JADE3: variants seen among roughly 807,000 people sequenced by gnomAD.
JADE3 encodes protein Jade-3.
Under a neutral mutation model 50.1 loss-of-function variants are expected in JADE3, and 2 were observed. The ratio of observed to expected loss-of-function variants is 0.04; its 90% confidence interval spans 0.02 to 0.13. The LOEUF is 0.13. Ranked by LOEUF, JADE3 falls within the 10% of genes least tolerant of loss-of-function variation. JADE3 has a pLI of 1.00. For missense variants in JADE3, 475 were observed against 634.4 expected (o/e 0.75, Z 2.70); for synonymous variants, 218 against 232.9 (o/e 0.94, Z 0.58).
chrX:46,939,106 C>T (rs1364641874), intron 1 of JADE3, among the ~76,000 whole-genome samples: 2 of 112,092 alleles, frequency 1.8e-5, no homozygotes, highest in East Asian at 5.6e-4. Flanking sequence ...GGGTTACAGG[C>T]GTGAGCCACC....
chrX:46,917,861 CT>C (rs782388311), intron 1 of JADE3, among the ~76,000 whole-genome samples: 16 of 56,390 alleles, frequency 2.8e-4, no homozygotes, highest in Non-Finnish European at 3.7e-4. Flanking sequence ...CTCTCATCCT[CT>C]CTCTCTCTCT....
chrX:46,970,090 A>T lies in JADE3; in HGVS notation c.-11-14794A>T, dbSNP rs782072485. 2.7e-5 allele frequency among the ~76,000 whole-genome samples: 3 copies of T among 112,616 alleles called. No homozygotes were observed. In the South Asian group the frequency reaches 1.1e-3, roughly 42 times the overall value. ...TGGTTCTTCCAAAAGAGAGATTCTG[A>T]CTTAATTGGTAATGGGTGCAATTTG... On this transcript the variant is annotated intron_variant, in intron 1 of 10. Transcript: ENST00000614628.
At chrX:47,052,433 A>T (rs1394232273) in intron 8 of JADE3, among the ~76,000 whole-genome samples, 1 of 107,919 alleles carries the variant, frequency 9.3e-6, no homozygotes, top group Non-Finnish European at 1.9e-5. Flanking sequence ...AGCATTCGAG[A>T]CCAGGCTGGC....
intron 4 of JADE3, among the ~76,000 whole-genome samples, chrX:47,008,725 G>T: frequency 9.0e-6 from 1 of 111,016 alleles, no homozygotes; most frequent in South Asian, 3.8e-4. Flanking sequence ...AGGACTATCT[G>T]TAATCTTTAG....
At chrX:46,919,509 TC>T (rs1279804824) in intron 1 of JADE3, among the ~76,000 whole-genome samples, 12 of 112,272 alleles carry the variant, frequency 1.1e-4, no homozygotes, top group East Asian at 2.8e-4. Context: ...TTAAAAATCT[TC>T]CTGTGGTTGC....
chrX:46,971,241 G>A lies in JADE3; in HGVS notation c.-11-13643G>A, dbSNP rs1556350216. On this transcript the variant is annotated intron_variant, in intron 1 of 10. Coordinates refer to ENST00000614628, the MANE Select transcript of JADE3 (RefSeq NM_014735.5). ...AGCAATTCTCCAGCCTCAGCCTCCC[G>A]AGTAAGTGGGATTACAGGCGACTGC... Among the ~76,000 whole-genome samples the A allele has an allele frequency of 2.0e-3, 206 of 103,538 alleles. 4 individuals carry two copies. In the East Asian group the frequency reaches 0.053, roughly 27 times the overall value. 89.9% of individuals were successfully genotyped at this position (103,538 alleles called of 115,157 possible). A position where few individuals can be genotyped will look rare whatever the true frequency, so the allele number is the denominator to read the frequency against.
intron 8 of JADE3, among the ~76,000 whole-genome samples, chrX:47,050,244 C>T (rs1318301389): frequency 2.7e-5 from 3 of 111,727 alleles, no homozygotes; most frequent in Non-Finnish European, 3.8e-5. Context: ...CAAGTTTTAT[C>T]TTTTAAATTG....
At chrX:46,919,402 A>G (rs146109940) in intron 1 of JADE3, among the ~76,000 whole-genome samples, 1,204 of 112,293 alleles carry the variant, frequency 0.011, 3 homozygotes, top group Non-Finnish European at 0.014. Flanking sequence ...GAACCTTTAT[A>G]TGATTTATAA....
chrX:47,056,426 G>A (rs1016084844), intron 10 of JADE3, among the ~76,000 whole-genome samples: 3 of 111,437 alleles, frequency 2.7e-5, no homozygotes, highest in Non-Finnish European at 5.6e-5. Context: ...GTCTAGGGCA[G>A]GTAATCTAGG....
chrX:46,965,167 A>T (rs782562282), intron 1 of JADE3, among the ~76,000 whole-genome samples: 13 of 111,914 alleles, frequency 1.2e-4, no homozygotes, highest in Admixed American at 2.8e-4. Flanking sequence ...AGAAAAAGGT[A>T]GAGATGGCTG....
chrX:47,028,286 G>A (rs1206786376), intron 6 of JADE3, among the ~76,000 whole-genome samples, 183 bp downstream of exon 6: 2 of 110,627 alleles, frequency 1.8e-5, no homozygotes, highest in Non-Finnish European at 3.8e-5. Flanking sequence ...ATGACTTGCT[G>A]ACTAACTTTA....
At chrX:47,003,270 A>G (rs1296530764) in intron 4 of JADE3, among the ~76,000 whole-genome samples, 1 of 110,805 alleles carries the variant, frequency 9.0e-6, no homozygotes, top group African/African-American at 3.3e-5. Flanking sequence ...AAGGTCTTGC[A>G]GAGTTCAGTT....
At chrX:46,990,823 C>A (rs1927972722) in intron 3 of JADE3, among the ~76,000 whole-genome samples, 1 of 109,749 alleles carries the variant, frequency 9.1e-6, no homozygotes, top group African/African-American at 3.3e-5. Context: ...CAGAAAGAAA[C>A]CCCTTACCCA....
intron 1 of JADE3, among the ~76,000 whole-genome samples, chrX:46,922,465 C>G (rs192978383): frequency 9.4e-6 from 1 of 106,917 alleles, no homozygotes; most frequent in East Asian, 2.9e-4. Flanking sequence ...TTTTTTTTCT[C>G]TTTCTGGGAT....
At chrX:46,966,108 G>T (rs1927360511) in intron 1 of JADE3, among the ~76,000 whole-genome samples, 1 of 111,872 alleles carries the variant, frequency 8.9e-6, no homozygotes, top group Non-Finnish European at 1.9e-5. Context: ...TAACTGACAG[G>T]GCTTAATAAT....
chrX:46,932,714 T>C (rs1659893846), intron 1 of JADE3, among the ~76,000 whole-genome samples: 1 of 112,123 alleles, frequency 8.9e-6, no homozygotes, highest in South Asian at 3.8e-4. Context: ...TTTGTGATCA[T>C]GCTAGTACTT....
intron 4 of JADE3, among the ~76,000 whole-genome samples, chrX:47,005,907 A>G (rs1556360188): frequency 9.0e-6 from 1 of 111,585 alleles, no homozygotes; most frequent in African/African-American, 3.3e-5. Flanking sequence ...TAACAAGGCA[A>G]TGCCCCCAAC....
intron 9 of JADE3, 87 bp from the exon 10 acceptor site, chrX:47,055,995 T>C: frequency 1.8e-6 from 1 of 548,969 alleles, no homozygotes; most frequent in Non-Finnish European, 3.1e-6. Flanking sequence ...CACCTGACTT[T>C]AGGTCTTTAT....
chrX:46,929,805 C>G (rs1424569745), intron 1 of JADE3, among the ~76,000 whole-genome samples: 2 of 112,060 alleles, frequency 1.8e-5, no homozygotes, highest in Non-Finnish European at 3.8e-5. Context: ...GTCATTCTGA[C>G]CGTCTGCCTC....
Sources: allele counts gnomAD v4.1 joint callset (sites outside exome capture counted in the v4.1 genomes callset), GRCh38; gene constraint gnomAD v4.1.1; transcripts MANE v1.5; gene names NCBI Gene and HGNC (gene_info 2026-07-23, HGNC 2026-07-21).